DKK2: variants seen among roughly 807,000 people sequenced by gnomAD.
DKK2 encodes dickkopf Wnt signaling pathway inhibitor 2, also known as dickkopf-related protein 2.
In DKK2, 11 loss-of-function variants were observed where a neutral mutation model predicts 28.1. The ratio of observed to expected loss-of-function variants is 0.39; its 90% CI spans 0.25 to 0.65. The LOEUF (loss-of-function observed/expected upper bound fraction) is 0.65, where lower values mean the gene tolerates loss of function less well. DKK2 is among the 30% of genes least tolerant of loss of function. The pLI is 0.47. For missense variants in DKK2, 326 were observed against 335.5 expected (o/e 0.97, Z 0.22); for synonymous variants, 135 against 126.5 (o/e 1.07, Z -0.45).
At chr4:106,978,597 A>T (rs1314903943) in intron 1 of DKK2, among the ~76,000 whole-genome samples, 1 of 152,002 alleles carries the variant, frequency 6.6e-6, no homozygotes, top group Non-Finnish European at 1.5e-5. Flanking sequence ...CCCCCCACCA[A>T]GCTCAAGCAT....
intron 1 of DKK2, among the ~76,000 whole-genome samples, chr4:106,942,238 G>A (rs1324785186): frequency 6.6e-6 from 1 of 152,118 alleles, no homozygotes; most frequent in Non-Finnish European, 1.5e-5. Context: ...AGAACATACT[G>A]AAGATGTTGG....
intron 1 of DKK2, among the ~76,000 whole-genome samples, chr4:106,974,874 G>A (rs1722919904): frequency 6.6e-6 from 1 of 152,104 alleles, no homozygotes; most frequent in South Asian, 2.1e-4. Context: ...TATTGGCTGT[G>A]GATCTGTCAT....
chr4:106,968,475 T>A (rs1722816501), intron 1 of DKK2, among the ~76,000 whole-genome samples: 1 of 152,164 alleles, frequency 6.6e-6, no homozygotes, highest in Non-Finnish European at 1.5e-5. Flanking sequence ...TGTAGGCATA[T>A]ATCATGTATG....
intron 1 of DKK2, among the ~76,000 whole-genome samples, chr4:106,957,555 A>G (rs1722613600): frequency 1.3e-5 from 2 of 151,820 alleles, no homozygotes; most frequent in Non-Finnish European, 2.9e-5. Context: ...CACATACACC[A>G]TGGAATACTA....
In DKK2 at chr4:106,923,549, A is replaced by G. The variant is rs1724379837; in HGVS notation, c.*405T>C. 6.2e-6 allele frequency: 1 copy of G among 162,478 alleles called. No homozygotes were observed. Among genetic ancestry groups the G allele is most frequent in the African/African-American group, 2.4e-5 (1 of 41,620 alleles). The allele number at this position is 162,478 out of a possible 1,614,324, so 10.1% of individuals were successfully genotyped here. A position where few individuals can be genotyped will look rare whatever the true frequency, so the allele number is the denominator to read the frequency against. ...AGTTATTCTAGGAGTATTTTGTTAA[A>G]CTCTAACGTTGAATAGAAATCTGGC... On this transcript the variant is annotated 3_prime_UTR_variant, in exon 4 of 4. Transcript: ENST00000285311.
At chr4:107,024,654 C>CT (rs1214922916) in intron 1 of DKK2, among the ~76,000 whole-genome samples, 1 of 152,034 alleles carries the variant, frequency 6.6e-6, no homozygotes, top group African/African-American at 2.4e-5. Context: ...GTAAAATAAC[C>CT]TCTAATGATG....
chr4:107,007,976 C>T (rs1478185489), intron 1 of DKK2, among the ~76,000 whole-genome samples: 1 of 152,142 alleles, frequency 6.6e-6, no homozygotes, highest in African/African-American at 2.4e-5. Flanking sequence ...CCAAACTAGT[C>T]CCCGATATCA....
chr4:106,979,901 T>C (rs1427110666), intron 1 of DKK2, among the ~76,000 whole-genome samples: 1 of 152,232 alleles, frequency 6.6e-6, no homozygotes, highest in Non-Finnish European at 1.5e-5. Flanking sequence ...AGTGGTCAAA[T>C]AGATTCATAA....
intron 1 of DKK2, among the ~76,000 whole-genome samples, chr4:107,000,183 A>T (rs899238479): frequency 1.3e-5 from 2 of 152,120 alleles, no homozygotes; most frequent in South Asian, 2.1e-4. Flanking sequence ...CTCATTTTTT[A>T]AAAAAGTCTT....
intron 1 of DKK2, among the ~76,000 whole-genome samples, chr4:107,017,329 G>T (rs1032717694): frequency 6.6e-6 from 1 of 152,064 alleles, no homozygotes; most frequent in African/African-American, 2.4e-5. Flanking sequence ...TAATTTTTTA[G>T]TTTCCTCTTG....
chr4:106,943,384 T>C (rs1236730559), intron 1 of DKK2, among the ~76,000 whole-genome samples: 1 of 152,092 alleles, frequency 6.6e-6, no homozygotes, highest in Non-Finnish European at 1.5e-5. Flanking sequence ...ATGCATGAAA[T>C]TTGTTGCAAC....
intron 1 of DKK2, among the ~76,000 whole-genome samples, chr4:107,011,713 G>T (rs1723520825): frequency 6.6e-6 from 1 of 150,582 alleles, no homozygotes; most frequent in African/African-American, 2.4e-5. Flanking sequence ...GTGTGTGTGT[G>T]GGTGTGTATA....
chr4:106,958,868 G>C (rs574311232), intron 1 of DKK2, among the ~76,000 whole-genome samples: 1 of 145,614 alleles, frequency 6.9e-6, no homozygotes, highest in Non-Finnish European at 1.5e-5. Context: ...AAGAAAGAAA[G>C]AAAACATAAA....
rs767018715 is a variant in DKK2, at chr4:107,035,388, C to G, written c.204G>C (p.Lys68Asn). The change falls in exon 1 of 4, where the codon AAG (lysine) becomes AAC (asparagine). Residue 68 changes from lysine (K) to asparagine (N), a missense_variant. Transcript: ENST00000285311. Reference protein sequence around the residue: ...YQGLAFGGSKKGKNLGQAYPC... With the variant: ...YQGLAFGGSKNGKNLGQAYPC... ...TTCCTACCTGCCCCAGGTTTTTGCC[C>G]TTCTTACTGCCGCCGAATGCCAGTC... 1.9e-6 allele frequency: 3 copies of G among 1,614,066 alleles called. No individual in the cohort carries two copies. Among genetic ancestry groups the G allele is most frequent in the African/African-American group, 2.7e-5 (2 of 74,928 alleles).
chr4:107,026,011 G>C (rs17037266), intron 1 of DKK2, among the ~76,000 whole-genome samples: 36,075 of 152,114 alleles, frequency 0.24, 4,670 homozygotes, highest in East Asian at 0.53. Context: ...TTCTTTGTCA[G>C]AGGCATTGAT....
chr4:106,977,654 T>C (rs1722964898), intron 1 of DKK2, among the ~76,000 whole-genome samples: 1 of 152,166 alleles, frequency 6.6e-6, no homozygotes, highest in Non-Finnish European at 1.5e-5. Flanking sequence ...TTTTTCAAGT[T>C]CTTAGCTTCC....
Position 106,929,990 on chromosome 4 carries a change from G to A in DKK2, c.223-4041C>T, listed in dbSNP as rs145385208. Among the ~76,000 whole-genome samples, 59 of 152,220 alleles carry A rather than the reference G, an allele frequency of 3.9e-4. No individual in the cohort carries two copies. In the East Asian group the frequency reaches 7.9e-3, roughly 20 times the overall value. ...AAGGTGACTGAGTGGTGACCTATGTGCTGAAGTTAGAGGTTAGAAAAATAT... is the reference window on the plus strand; with the variant it reads ...AAGGTGACTGAGTGGTGACCTATGTACTGAAGTTAGAGGTTAGAAAAATAT... On this transcript the variant is annotated intron_variant, in intron 1 of 3. Transcript: ENST00000285311.
chr4:106,965,006 T>TAGAC (rs61154775), intron 1 of DKK2, among the ~76,000 whole-genome samples: 1 of 125,196 alleles, frequency 8.0e-6, no homozygotes, highest in African/African-American at 3.3e-5. Context: ...GATAGATAGA[T>TAGAC]TGATTGATTC....
chr4:107,000,474 G>T (rs974905873), intron 1 of DKK2, among the ~76,000 whole-genome samples: 1 of 152,100 alleles, frequency 6.6e-6, no homozygotes, highest in African/African-American at 2.4e-5. Context: ...CATAGTGGAG[G>T]TTTCTACTCA....
Sources: gnomAD v4.1 joint callset for allele counts (sites outside exome capture counted in the v4.1 genomes callset) on GRCh38, gnomAD v4.1.1 for gene constraint, MANE v1.5 for transcripts, NCBI Gene and HGNC (gene_info 2026-07-23, HGNC 2026-07-21) for gene names.